Variants in MAP3K14 observed in about 807,000 individuals in gnomAD.
The protein encoded by MAP3K14 is NF-kappa-beta-inducing kinase.
A neutral mutation model predicts 99.2 loss-of-function variants in MAP3K14; 16 were observed. That is an observed-to-expected ratio of 0.16 (90% CI 0.11 to 0.24). The LOEUF (loss-of-function observed/expected upper bound fraction) is 0.24, where lower values mean the gene tolerates loss of function less well. MAP3K14 is among the 10% of genes least tolerant of loss of function. The probability of loss-of-function intolerance (pLI) is 1.00; values close to 1 mark genes in which losing one functional copy is unlikely to be tolerated. For missense variants in MAP3K14, 784 were observed against 1,208.7 expected (o/e 0.65, Z 5.21); for synonymous variants, 462 against 492.4 (o/e 0.94, Z 0.82).
rs753220389 is a variant in MAP3K14 at position 45,290,346 on chromosome 17, G to A, written c.256+144C>T. 1.1e-4 allele frequency: 120 copies of A among 1,069,626 alleles called. 2 individuals carry two copies. In the South Asian group the frequency reaches 1.4e-3, roughly 13 times the overall value. 66.3% of individuals were successfully genotyped at this position (1,069,626 alleles called of 1,614,324 possible). On this transcript the variant is annotated intron_variant, in intron 2 of 15. Coordinates refer to ENST00000344686, the MANE Select transcript of MAP3K14 (RefSeq NM_003954.5). ...TACAACCCCACTTTCCATGATTCTC[G>A]GCACAGACCTCTGGTTGTGTCTCAT...
intron 6 of MAP3K14, among the ~76,000 whole-genome samples, chr17:45,279,155 G>A (rs1416716438): frequency 2.0e-5 from 3 of 152,154 alleles, no homozygotes; most frequent in Non-Finnish European, 1.5e-5. Context: ...TTGAAACGGA[G>A]TTTCGCTCTT....
chr17:45,302,006 T>C (rs533821887), intron 1 of MAP3K14, among the ~76,000 whole-genome samples: 2 of 152,228 alleles, frequency 1.3e-5, no homozygotes, highest in East Asian at 1.9e-4. Flanking sequence ...ATTTTTTGTA[T>C]TTTTGGTAGA....
In MAP3K14 at chr17:45,274,900, G is replaced by A. The variant is rs763080371; in HGVS notation, c.1291-307C>T. ...TGCCTATAATCCCAGCACTTTGGGA[G>A]GCCGAGGCGGGTGGATCACGAGGTC... On this transcript the variant is annotated intron_variant, in intron 6 of 15. Transcript: ENST00000344686. Among the ~76,000 whole-genome samples the A allele has an allele frequency of 1.2e-3, 185 of 152,342 alleles. 1 individual carries two copies. The highest frequency in any genetic ancestry group is 2.7e-3 in the South Asian group (13 of 4,828).
rs1332333217 is a variant in MAP3K14 at position 45,314,196 on chromosome 17, T to C, written c.-21+2764A>G. Among the ~76,000 whole-genome samples the C allele has an allele frequency of 2.0e-5, 3 of 152,242 alleles. No homozygotes were observed. The East Asian group carries it at 5.8e-4, about 29-fold the overall frequency. ...AAAATCTCATACTTCAATGTCCTGCTCAGCTCAACAGAAATGCTCCCCTAC... is the reference window on the plus strand; with the variant it reads ...AAAATCTCATACTTCAATGTCCTGCCCAGCTCAACAGAAATGCTCCCCTAC... On this transcript the variant is annotated intron_variant, in intron 1 of 15. Coordinates refer to ENST00000344686, the MANE Select transcript of MAP3K14 (RefSeq NM_003954.5).
chr17:45,279,455 C>T (rs1445760974), intron 6 of MAP3K14, among the ~76,000 whole-genome samples: 6 of 140,302 alleles, frequency 4.3e-5, no homozygotes, highest in African/African-American at 8.1e-5. Flanking sequence ...TTTTTTGAGA[C>T]GGAGTCTCAT....
chr17:45,267,476 A>T lies in MAP3K14; in HGVS notation c.2256T>A (p.Pro752=). 6.2e-7 allele frequency: 1 copy of T among 1,611,934 alleles called. No homozygotes were observed. Among genetic ancestry groups the T allele is most frequent in the Non-Finnish European group, 8.5e-7 (1 of 1,178,958 alleles). The part of the protein sequence containing the change: ...PLPLSSLEPA[P]ARNPSSPERK... Reference sequence around the variant, plus strand: ...GCTCTGGTGAGCTGGGGTTTCTGGCAGGGGCTGGCTCCAGGGAGGACAGAG... The same window carrying T: ...GCTCTGGTGAGCTGGGGTTTCTGGCTGGGGCTGGCTCCAGGGAGGACAGAG... The change falls in exon 12 of 16, where the codon CCT becomes CCA. Residue 752 remains proline (P), a synonymous_variant. Transcript: ENST00000344686. The surrounding 1 kb of genome is among the most constrained non-coding windows in gnomAD (Gnocchi z 5.1).
intron 1 of MAP3K14, among the ~76,000 whole-genome samples, chr17:45,313,274 TTACTAC>T (rs377671447): frequency 3.3e-5 from 5 of 151,682 alleles, no homozygotes; most frequent in South Asian, 2.1e-4. Context: ...ACTGCTACTA[TTACTAC>T]TACTACTACT....
At chr17:45,276,563 G>A (rs915274895) in intron 6 of MAP3K14, among the ~76,000 whole-genome samples, 1 of 151,920 alleles carries the variant, frequency 6.6e-6, no homozygotes, top group Non-Finnish European at 1.5e-5. Flanking sequence ...CCAGGCTGGA[G>A]TGCAGTGGCG....
intron 1 of MAP3K14, among the ~76,000 whole-genome samples, chr17:45,305,340 C>G (rs1325825842): frequency 6.6e-6 from 1 of 151,642 alleles, no homozygotes; most frequent in Non-Finnish European, 1.5e-5. Context: ...TCGTGATCCA[C>G]CTGCCTCGGC....
Position 45,287,166 on chromosome 17 carries a change from G to C in MAP3K14, c.525C>G (p.Thr175=). The C allele has an allele frequency of 6.2e-7, 1 of 1,613,612 alleles. No homozygotes were observed. The highest frequency in any genetic ancestry group is 2.2e-5 in the East Asian group (1 of 44,876). The change falls in exon 4 of 16, where the codon ACC becomes ACG. Residue 175 remains threonine, a synonymous_variant. Transcript: ENST00000344686. ...TGGAGGGTCTCACCTGCACTGGGAT[G>C]GTGCAGCTCTCCTGCTCAGGGGTCC... The part of the protein sequence containing the change: ...LPRTPEQESC[T]IPVQEDESPL...
chr17:45,270,001 C>G (rs2044129765), intron 11 of MAP3K14, among the ~76,000 whole-genome samples: 1 of 152,046 alleles, frequency 6.6e-6, no homozygotes, highest in South Asian at 2.1e-4. Flanking sequence ...TCGAGCCCTC[C>G]TGCTGTGGGA....
intron 6 of MAP3K14, among the ~76,000 whole-genome samples, chr17:45,284,238 CT>C (rs2044245747): frequency 6.6e-6 from 1 of 152,242 alleles, no homozygotes; most frequent in Admixed American, 6.5e-5. Flanking sequence ...CAGACCTGGT[CT>C]GATTCAGGGC....
intron 1 of MAP3K14, among the ~76,000 whole-genome samples, chr17:45,304,998 A>G (rs1400242225): frequency 2.0e-5 from 3 of 152,230 alleles, no homozygotes; most frequent in African/African-American, 7.2e-5. Flanking sequence ...CACTCTGGAA[A>G]CATCAGTGGA....
At chr17:45,271,926 T>C (rs796479498) in intron 9 of MAP3K14, among the ~76,000 whole-genome samples, 11 of 152,306 alleles carry the variant, frequency 7.2e-5, no homozygotes, top group Admixed American at 2.0e-4. Flanking sequence ...AGAAAACTTA[T>C]ATGCGTAAAA....
chr17:45,265,296 C>T (rs374093967), intron 14 of MAP3K14, 33 bp from the exon 15 acceptor site: 34 of 1,421,354 alleles, frequency 2.4e-5, no homozygotes, highest in African/African-American at 2.2e-4. Flanking sequence ...GTCAGGAGAG[C>T]GGCTGCTGGC....
chr17:45,287,403 G>A lies in MAP3K14; in HGVS notation c.327-39C>T, dbSNP rs765885038. 9 of 1,572,270 alleles carry A rather than the reference G, an allele frequency of 5.7e-6. No individual in the cohort carries two copies. The East Asian group carries it at 1.8e-4, about 31-fold the overall frequency. On this transcript the variant is annotated intron_variant, in intron 3 of 15. Coordinates refer to ENST00000344686, the MANE Select transcript of MAP3K14 (RefSeq NM_003954.5). Reference sequence around the variant, plus strand: ...GACAGATTTGCATATTGAGCACGAGGAAGCAGGAAGATGGACTGGTCCAGA... The same window carrying A: ...GACAGATTTGCATATTGAGCACGAGAAAGCAGGAAGATGGACTGGTCCAGA...
At chr17:45,308,988 A>AT (rs71136078) in intron 1 of MAP3K14, among the ~76,000 whole-genome samples, 1 of 150,958 alleles carries the variant, frequency 6.6e-6, no homozygotes. Flanking sequence ...GTTTAAAAAA[A>AT]TTTTTTTTTT....
chr17:45,311,914 G>C (rs1413063453), intron 1 of MAP3K14, among the ~76,000 whole-genome samples: 1 of 152,128 alleles, frequency 6.6e-6, no homozygotes, highest in Admixed American at 6.5e-5. Context: ...AGGGTGGCTG[G>C]ACTTAGGAGT....
intron 6 of MAP3K14, among the ~76,000 whole-genome samples, chr17:45,277,802 A>G (rs2044191530): frequency 6.6e-6 from 1 of 152,182 alleles, no homozygotes; most frequent in South Asian, 2.1e-4. Context: ...CACGCACGTG[A>G]CATTCCCTTT....
Sources: gnomAD v4.1 joint callset for allele counts (sites outside exome capture counted in the v4.1 genomes callset) on GRCh38, gnomAD v4.1.1 for gene constraint, Gnocchi (gnomAD v3.1) non-coding constraint, MANE v1.5 for transcripts, NCBI Gene and HGNC (gene_info 2026-07-23, HGNC 2026-07-21) for gene names.